MAPK8: variants seen among roughly 807,000 people sequenced by gnomAD.
MAPK8 encodes the protein mitogen-activated protein kinase 8.
A neutral mutation model predicts 52.9 loss-of-function variants in MAPK8; 13 were observed. The observed-to-expected ratio is 0.25, with a 90% CI of 0.16 to 0.39. MAPK8 has a LOEUF of 0.39. Among genes scored for constraint, MAPK8 ranks in the 10% least tolerant of loss-of-function variants. MAPK8 has a pLI of 1.00. For missense variants in MAPK8, 300 were observed against 519.2 expected, an observed-to-expected ratio of 0.58 and a Z score of 4.10; for synonymous variants, 191 against 169.8, an observed-to-expected ratio of 1.12 and a Z score of -0.97.
At chr10:48,370,714 A>G (rs1369543140) in intron 1 of MAPK8, among the ~76,000 whole-genome samples, 2 of 152,150 alleles carry the variant, frequency 1.3e-5, no homozygotes, top group Non-Finnish European at 2.9e-5. Context: ...CTGATAAAAG[A>G]AGTAAACATG....
intron 2 of MAPK8, 62 bp from the exon 3 acceptor site, chr10:48,404,790 G>T: frequency 1.5e-6 from 2 of 1,353,926 alleles, no homozygotes; most frequent in Non-Finnish European, 1.0e-6. Flanking sequence ...ACTGTTTCAT[G>T]AATTCAGTTT....
intron 7 of MAPK8, 102 bp downstream of exon 7, chr10:48,424,261 A>G: frequency 4.5e-6 from 5 of 1,104,108 alleles, no homozygotes; most frequent in Non-Finnish European, 6.7e-6. Flanking sequence ...GGGTTTTTAA[A>G]CAGGCATAAA....
chr10:48,364,131 G>C (rs1470961976), intron 1 of MAPK8, among the ~76,000 whole-genome samples: 1 of 152,122 alleles, frequency 6.6e-6, no homozygotes, highest in African/African-American at 2.4e-5. Flanking sequence ...ATTTGCTTCA[G>C]TTCTGTAGTA....
At chr10:48,367,783 C>T (rs1374299680) in intron 1 of MAPK8, among the ~76,000 whole-genome samples, 1 of 151,986 alleles carries the variant, frequency 6.6e-6, no homozygotes, top group Admixed American at 6.6e-5. Flanking sequence ...CGAAAGATAC[C>T]ATTTCTTGGC....
intron 1 of MAPK8, among the ~76,000 whole-genome samples, chr10:48,336,425 A>C (rs1238180236): frequency 6.6e-6 from 1 of 152,198 alleles, no homozygotes. Context: ...GAATAATTTG[A>C]TGTGGCTCCT....
rs200008884 is a variant in MAPK8 at position 48,381,781 on chromosome 10, TTA to T, written c.-49-19829_-49-19828del. On this transcript the variant is annotated intron_variant, in intron 1 of 11. Transcript: ENST00000374189. ...TGTATGTAGAAATGACTCAAACATT[TTA>T]TGATTATCTATTACTTTATTAAACC... is the stretch of plus-strand genomic sequence containing the variant. 2.8e-3 allele frequency among the ~76,000 whole-genome samples: 423 copies of T among 152,328 alleles called. 1 individual carries two copies. Among genetic ancestry groups the T allele is most frequent in the African/African-American group, 9.4e-3 (389 of 41,568 alleles).
In MAPK8 at chr10:48,438,448, A is replaced by C. The variant is rs1415206075; in HGVS notation, c.*3419A>C. Reference sequence around the variant, plus strand: ...AAGGAAAACAGAAGTCCTAATTTCAAACTGACTGCTCTTCGTTAAGTGCTC... The same window carrying C: ...AAGGAAAACAGAAGTCCTAATTTCACACTGACTGCTCTTCGTTAAGTGCTC... On this transcript the variant is annotated 3_prime_UTR_variant, in exon 12 of 12. Transcript: ENST00000374189. 1 of 152,256 alleles carries C rather than the reference A, an allele frequency of 6.6e-6. No homozygotes were observed. The highest frequency in any genetic ancestry group is 2.4e-5 in the African/African-American group (1 of 41,466). 9.4% of individuals were successfully genotyped at this position (152,256 alleles called of 1,614,324 possible). A position where few individuals can be genotyped will look rare whatever the true frequency, so the allele number is the denominator to read the frequency against.
intron 1 of MAPK8, among the ~76,000 whole-genome samples, chr10:48,380,930 CTG>C (rs1217339878): frequency 6.6e-6 from 1 of 152,104 alleles, no homozygotes; most frequent in Non-Finnish European, 1.5e-5. Context: ...TTTGAGGAGA[CTG>C]TATCAAAGAG....
intron 5 of MAPK8, among the ~76,000 whole-genome samples, chr10:48,419,702 G>A (rs1009076791): frequency 6.6e-6 from 1 of 152,128 alleles, no homozygotes; most frequent in Non-Finnish European, 1.5e-5. Context: ...CATTTGTTAG[G>A]ATTGACAAGA....
At chr10:48,413,928 C>T (rs2042921499) in intron 5 of MAPK8, among the ~76,000 whole-genome samples, 2 of 142,826 alleles carry the variant, frequency 1.4e-5, no homozygotes, top group Non-Finnish European at 3.0e-5. Flanking sequence ...ATTTACATGC[C>T]ATACAATTTA....
At chr10:48,434,029 T>C (rs2044608115) in intron 11 of MAPK8, among the ~76,000 whole-genome samples, 1 of 152,212 alleles carries the variant, frequency 6.6e-6, no homozygotes, top group Admixed American at 6.5e-5. Context: ...TAACTATCCT[T>C]CATCCCCCAG....
At chr10:48,312,901 G>A (rs1009763079) in intron 1 of MAPK8, among the ~76,000 whole-genome samples, 10 of 152,162 alleles carry the variant, frequency 6.6e-5, no homozygotes, top group Non-Finnish European at 1.5e-4. Flanking sequence ...TCTACTCTGT[G>A]TAGCCACCTA....
chr10:48,337,785 G>A (rs1342523293), intron 1 of MAPK8, among the ~76,000 whole-genome samples: 2 of 152,038 alleles, frequency 1.3e-5, no homozygotes, highest in Non-Finnish European at 2.9e-5. Context: ...GGATACCATA[G>A]AAATACAAAG....
intron 1 of MAPK8, among the ~76,000 whole-genome samples, chr10:48,388,638 CTG>C (rs1193568742): frequency 1.3e-5 from 2 of 152,130 alleles, no homozygotes; most frequent in African/African-American, 4.8e-5. Context: ...ACACTCTTAT[CTG>C]TTTCTTCAGT....
rs768447951 is a variant in MAPK8 at position 48,404,873 on chromosome 10, T to C, written c.144T>C (p.Leu48=). 6.2e-7 allele frequency: 1 copy of C among 1,606,852 alleles called. No individual in the cohort carries two copies. Among genetic ancestry groups the C allele is most frequent in the Non-Finnish European group, 8.5e-7 (1 of 1,176,700 alleles). Residue 48 remains leucine, a synonymous_variant, in exon 3 of 12, where the codon CTT becomes CTC. Coordinates refer to ENST00000374189, the MANE Select transcript of MAPK8 (RefSeq NM_001323329.2). ...GIVCAAYDAI[L]ERNVAIKKLS... ...ACAGCGCAGCTTATGATGCCATTCTTGAAAGAAATGTTGCAATCAAGAAGC... is the reference window on the plus strand; with the variant it reads ...ACAGCGCAGCTTATGATGCCATTCTCGAAAGAAATGTTGCAATCAAGAAGC...
chr10:48,389,431 CAT>C (rs1491451861), intron 1 of MAPK8, among the ~76,000 whole-genome samples: 1 of 152,144 alleles, frequency 6.6e-6, no homozygotes, highest in African/African-American at 2.4e-5. Flanking sequence ...GATCCTGTAA[CAT>C]GTGGTTCTGC....
At chr10:48,320,001 C>G (rs942578236) in intron 1 of MAPK8, among the ~76,000 whole-genome samples, 1 of 151,602 alleles carries the variant, frequency 6.6e-6, no homozygotes, top group African/African-American at 2.4e-5. Flanking sequence ...ACTGCAACCT[C>G]TGCCTTCCTG....
At chr10:48,336,257 A>G (rs1360766016) in intron 1 of MAPK8, among the ~76,000 whole-genome samples, 3 of 152,234 alleles carry the variant, frequency 2.0e-5, no homozygotes, top group Non-Finnish European at 2.9e-5. Context: ...AAGGAATATT[A>G]TAAACACTCA....
chr10:48,409,274 A>G (rs1413939338), intron 3 of MAPK8, among the ~76,000 whole-genome samples: 1 of 152,244 alleles, frequency 6.6e-6, no homozygotes, highest in African/African-American at 2.4e-5. Flanking sequence ...ATACTGAAAA[A>G]GGAGTTAAAA....
Sources: gnomAD v4.1 joint callset for allele counts (sites outside exome capture counted in the v4.1 genomes callset) on GRCh38, gnomAD v4.1.1 for gene constraint, MANE v1.5 for transcripts, NCBI Gene and HGNC (gene_info 2026-07-23, HGNC 2026-07-21) for gene names.